Variants in EPHA3 observed in about 807,000 individuals in gnomAD.
The protein encoded by EPHA3 is ephrin type-A receptor 3.
EPHA3 carries 42 observed loss-of-function variants against 107.1 expected under a neutral mutation model. That is an observed-to-expected ratio of 0.39 (90% confidence interval 0.31 to 0.51). The LOEUF (loss-of-function observed/expected upper bound fraction) is 0.51, where lower values mean the gene tolerates loss of function less well. Among genes scored for constraint, EPHA3 ranks in the 20% least tolerant of loss-of-function variants. EPHA3 has a pLI of 0.78. For synonymous variants in EPHA3, 461 were observed against 424.8 expected (o/e 1.09, Z -1.05); for missense variants, 1,183 against 1,211.2 (o/e 0.98, Z 0.35).
At chr3:89,259,451 A>G (rs1337847541) in intron 3 of EPHA3, among the ~76,000 whole-genome samples, 1 of 152,258 alleles carries the variant, frequency 6.6e-6, no homozygotes, top group Admixed American at 6.5e-5. Context: ...CGTTCACTAA[A>G]TAAGTGTTGA....
chr3:89,444,355 C>T (rs990542617), intron 13 of EPHA3, among the ~76,000 whole-genome samples: 5 of 134,722 alleles, frequency 3.7e-5, no homozygotes, highest in Admixed American at 8.1e-5. Flanking sequence ...TAATTTTGCT[C>T]GTTTGAAATT....
At chr3:89,166,558 A>G (rs1469848319) in intron 2 of EPHA3, among the ~76,000 whole-genome samples, 1 of 152,206 alleles carries the variant, frequency 6.6e-6, no homozygotes, top group African/African-American at 2.4e-5. Context: ...CCAACCATAA[A>G]AACAGTTCTT....
chr3:89,248,717 G>A (rs1448826099), intron 3 of EPHA3, among the ~76,000 whole-genome samples: 1 of 152,142 alleles, frequency 6.6e-6, no homozygotes, highest in Non-Finnish European at 1.5e-5. Context: ...GCAGGAATTT[G>A]GTTGTGGCAA....
chr3:89,369,543 C>T, intron 5 of EPHA3, among the ~76,000 whole-genome samples: 1 of 149,806 alleles, frequency 6.7e-6, no homozygotes, highest in Non-Finnish European at 1.5e-5. Flanking sequence ...GACCTAAAAC[C>T]ATAAAAACCC....
intron 3 of EPHA3, among the ~76,000 whole-genome samples, chr3:89,268,624 A>G (rs977723266): frequency 6.6e-6 from 1 of 152,022 alleles, no homozygotes; most frequent in East Asian, 1.9e-4. Flanking sequence ...AGTAGTGTAG[A>G]CAGTTACCCT....
chr3:89,450,588 A>G (rs1040486981), intron 15 of EPHA3, among the ~76,000 whole-genome samples: 5 of 152,118 alleles, frequency 3.3e-5, no homozygotes, highest in Non-Finnish European at 5.9e-5. Context: ...TTTAACATCT[A>G]TCTTGACTCT....
intron 3 of EPHA3, among the ~76,000 whole-genome samples, chr3:89,339,088 G>A (rs1386927044): frequency 6.6e-6 from 1 of 152,072 alleles, no homozygotes; most frequent in Non-Finnish European, 1.5e-5. Flanking sequence ...ATAAATATTT[G>A]TCGGCCTGTG....
chr3:89,402,504 C>A (rs986597735), intron 7 of EPHA3, among the ~76,000 whole-genome samples: 5 of 152,012 alleles, frequency 3.3e-5, no homozygotes, highest in African/African-American at 1.2e-4. Flanking sequence ...AGGTAAAAGA[C>A]AAAATTTTTT....
intron 3 of EPHA3, among the ~76,000 whole-genome samples, chr3:89,214,700 G>A (rs1704183214): frequency 6.6e-6 from 1 of 151,676 alleles, no homozygotes; most frequent in African/African-American, 2.4e-5. Context: ...CCAAACAGCA[G>A]TCACGCTTGA....
intron 3 of EPHA3, among the ~76,000 whole-genome samples, chr3:89,220,557 C>A (rs1308119895): frequency 1.3e-5 from 2 of 151,980 alleles, no homozygotes; most frequent in Non-Finnish European, 2.9e-5. Flanking sequence ...ACTCAGAATG[C>A]GAATGGAGTA....
intron 3 of EPHA3, among the ~76,000 whole-genome samples, chr3:89,244,488 TA>T (rs1704985159): frequency 6.6e-6 from 1 of 152,158 alleles, no homozygotes; most frequent in African/African-American, 2.4e-5. Context: ...AAATGTTTTA[TA>T]CTATCCATTA....
intron 3 of EPHA3, among the ~76,000 whole-genome samples, chr3:89,295,410 A>G (rs1046404643): frequency 6.6e-6 from 1 of 151,966 alleles, no homozygotes; most frequent in Admixed American, 6.6e-5. Context: ...CAATTTCTCA[A>G]AAGACAATAA....
chr3:89,481,948 T>G lies in EPHA3; in HGVS notation c.*2446T>G, dbSNP rs1576401550. ...CACTCAGTTTATGCTGTGCTAAATA[T>G]CAATCAAGCCATGTATAAATGTGAT... On this transcript the variant is annotated 3_prime_UTR_variant, in exon 17 of 17. Transcript: ENST00000336596. 1 of 226,570 alleles carries G rather than the reference T, an allele frequency of 4.4e-6. No individual in the cohort carries two copies. The highest frequency in any genetic ancestry group is 6.4e-5 in the East Asian group (1 of 15,686). 14.0% of individuals were successfully genotyped at this position (226,570 alleles called of 1,614,324 possible).
intron 15 of EPHA3, among the ~76,000 whole-genome samples, chr3:89,453,225 A>G (rs1710029502): frequency 6.6e-6 from 1 of 152,082 alleles, no homozygotes; most frequent in Non-Finnish European, 1.5e-5. Context: ...AAAAAAAAAG[A>G]CTTTACCTAT....
chr3:89,208,212 A>T (rs911250861), intron 2 of EPHA3, among the ~76,000 whole-genome samples: 1 of 151,774 alleles, frequency 6.6e-6, no homozygotes, highest in African/African-American at 2.4e-5. Flanking sequence ...TCTACTAAAA[A>T]TATCAAAATT....
rs67054298 is a variant in EPHA3 at position 89,136,330 on chromosome 3, C to CTTTTTTTTT, written c.153+9073_153+9081dup. 9.5e-3 allele frequency among the ~76,000 whole-genome samples: 223 copies of CTTTTTTTTT among 23,376 alleles called. 65 individuals carry two copies. The highest frequency in any genetic ancestry group is 0.026 in the African/African-American group (155 of 6,054). 15.3% of individuals were successfully genotyped at this position (23,376 alleles called of 152,430 possible). ...GAAAAACATGGCAAAATCTTACAGGCTTTTTTTTTTTTTTTTTTTTTTTTG... is the reference window on the plus strand; with the variant it reads ...GAAAAACATGGCAAAATCTTACAGGCTTTTTTTTTTTTTTTTTTTTTTTTTTTTTTTTTG... On this transcript the variant is annotated intron_variant, in intron 2 of 16. Coordinates refer to ENST00000336596, the MANE Select transcript of EPHA3 (RefSeq NM_005233.6).
chr3:89,257,935 C>T (rs1439134850), intron 3 of EPHA3, among the ~76,000 whole-genome samples: 3 of 152,158 alleles, frequency 2.0e-5, no homozygotes, highest in Admixed American at 2.0e-4. Flanking sequence ...TTCACGTGAA[C>T]TCTGTGTCAC....
intron 2 of EPHA3, among the ~76,000 whole-genome samples, chr3:89,177,970 A>T (rs1463532035): frequency 6.6e-6 from 1 of 152,216 alleles, no homozygotes; most frequent in Non-Finnish European, 1.5e-5. Context: ...ATAATGTCTA[A>T]TGATAATGAA....
chr3:89,331,215 ATTTT>A (rs557618495), intron 3 of EPHA3, among the ~76,000 whole-genome samples: 5 of 152,128 alleles, frequency 3.3e-5, no homozygotes, highest in African/African-American at 1.2e-4. Flanking sequence ...AGATATTTTG[ATTTT>A]TTATTGTGTA....
Sources: gnomAD v4.1 joint callset for allele counts (sites outside exome capture counted in the v4.1 genomes callset) on GRCh38, gnomAD v4.1.1 for gene constraint, MANE v1.5 for transcripts, NCBI Gene and HGNC (gene_info 2026-07-23, HGNC 2026-07-21) for gene names.